KIAA1217: variants seen among roughly 807,000 people sequenced by gnomAD.
KIAA1217 encodes sickle tail protein homolog.
Under a neutral mutation model 163.9 loss-of-function variants are expected in KIAA1217, and 88 were observed. That is an observed-to-expected ratio of 0.54 (90% CI 0.45 to 0.64). KIAA1217 has a LOEUF of 0.64. KIAA1217 is among the 30% of genes least tolerant of loss of function. The pLI is 0.00. For missense variants in KIAA1217, 2,372 were observed against 2,475.0 expected (o/e 0.96, Z 0.88); for synonymous variants, 903 against 923.1 (o/e 0.98, Z 0.39).
At chr10:23,908,944 G>A (rs985846079) in intron 1 of KIAA1217, among the ~76,000 whole-genome samples, 18 of 152,082 alleles carry the variant, frequency 1.2e-4, no homozygotes, top group Admixed American at 1.1e-3. Flanking sequence ...TTGCAAAAAT[G>A]TGGAAACAAC....
At chr10:24,177,611 T>G (rs542534667) in intron 2 of KIAA1217, among the ~76,000 whole-genome samples, 7 of 152,072 alleles carry the variant, frequency 4.6e-5, no homozygotes, top group African/African-American at 1.7e-4. Flanking sequence ...ATAAAGATAT[T>G]CTACTACTTT....
intron 2 of KIAA1217, among the ~76,000 whole-genome samples, chr10:24,315,553 C>T (rs3762084): frequency 0.03 from 4,492 of 152,218 alleles, 121 homozygotes; most frequent in East Asian, 0.1. Flanking sequence ...CCGGACCTCC[C>T]GTTGCTAGGT....
At chr10:24,391,317 GTTTCTTTC>G (rs200762098) in intron 3 of KIAA1217, among the ~76,000 whole-genome samples, 5 of 93,564 alleles carry the variant, frequency 5.3e-5, no homozygotes, top group Non-Finnish European at 7.8e-5. Context: ...AGGTTCTCCT[GTTTCTTTC>G]TTTCTTTCTT....
intron 1 of KIAA1217, among the ~76,000 whole-genome samples, chr10:23,920,604 A>G (rs1019967815): frequency 6.6e-6 from 1 of 152,064 alleles, no homozygotes; most frequent in Non-Finnish European, 1.5e-5. Flanking sequence ...TTGTCTCTCT[A>G]TTTATCTCTT....
chr10:23,959,449 G>A (rs1564566499), intron 1 of KIAA1217, among the ~76,000 whole-genome samples: 1 of 152,202 alleles, frequency 6.6e-6, no homozygotes, highest in Non-Finnish European at 1.5e-5. Context: ...CTTGAGCCCA[G>A]GAGTTCAAGG....
chr10:23,865,604 T>A (rs1346793452), intron 1 of KIAA1217, among the ~76,000 whole-genome samples: 1 of 152,172 alleles, frequency 6.6e-6, no homozygotes. Flanking sequence ...AAACTGCCTT[T>A]TTTTTTATAG....
intron 1 of KIAA1217, among the ~76,000 whole-genome samples, chr10:24,006,336 A>G (rs973530382): frequency 1.3e-5 from 2 of 152,152 alleles, no homozygotes; most frequent in African/African-American, 2.4e-5. Flanking sequence ...CTTTTTCCAT[A>G]CTTTTATCCA....
intron 2 of KIAA1217, among the ~76,000 whole-genome samples, chr10:24,180,220 G>C (rs1035232302): frequency 6.6e-6 from 1 of 151,344 alleles, no homozygotes; most frequent in African/African-American, 2.4e-5. Context: ...TTAACTTTGA[G>C]GACCTCTACA....
intron 3 of KIAA1217, among the ~76,000 whole-genome samples, chr10:24,400,289 A>ATC (rs1382490551): frequency 4.6e-5 from 7 of 152,214 alleles, no homozygotes; most frequent in African/African-American, 1.4e-4. Context: ...CCCACAGTAT[A>ATC]TCAGTCAGGA....
chr10:24,364,239 A>G (rs1048413461), intron 2 of KIAA1217, among the ~76,000 whole-genome samples: 1 of 152,114 alleles, frequency 6.6e-6, no homozygotes, highest in East Asian at 1.9e-4. Context: ...TCAGCCTCCC[A>G]AAGTGCTGGG....
intron 1 of KIAA1217, among the ~76,000 whole-genome samples, chr10:23,910,417 A>G (rs2131267755): frequency 6.6e-6 from 1 of 152,264 alleles, no homozygotes; most frequent in South Asian, 2.1e-4. Context: ...GAAGAGAAGG[A>G]CAGGAGGACT....
intron 3 of KIAA1217, among the ~76,000 whole-genome samples, chr10:24,397,108 CTT>C (rs34660362): frequency 9.6e-5 from 11 of 114,700 alleles, no homozygotes; most frequent in African/African-American, 9.9e-5. Flanking sequence ...GTAAGAAACT[CTT>C]TTTTTTTTTT....
chr10:23,894,143 A>C (rs1311756007), intron 1 of KIAA1217, among the ~76,000 whole-genome samples: 55 of 135,882 alleles, frequency 4.0e-4, no homozygotes, highest in Admixed American at 6.0e-4. Flanking sequence ...TGGCCAGGGC[A>C]ATTAGGCAGG....
At chr10:23,847,483 A>T (rs1839096895) in intron 1 of KIAA1217, among the ~76,000 whole-genome samples, 2 of 152,008 alleles carry the variant, frequency 1.3e-5, no homozygotes, top group South Asian at 4.1e-4. Flanking sequence ...GAATTTATCC[A>T]TTTCTTCTAG....
chr10:24,429,321 A>T (rs1027187332), intron 3 of KIAA1217, among the ~76,000 whole-genome samples: 2 of 152,170 alleles, frequency 1.3e-5, no homozygotes, highest in African/African-American at 4.8e-5. Flanking sequence ...AGTATTTCAT[A>T]AACTTTTACA....
At chr10:24,176,009 G>A (rs1008421168) in intron 2 of KIAA1217, among the ~76,000 whole-genome samples, 1 of 152,196 alleles carries the variant, frequency 6.6e-6, no homozygotes, top group African/African-American at 2.4e-5. Context: ...ACCCAAGCAG[G>A]TTGCTGCTGC....
At chr10:24,538,533 A>G (rs2074378190) in intron 17 of KIAA1217, among the ~76,000 whole-genome samples, 1 of 113,428 alleles carries the variant, frequency 8.8e-6, no homozygotes. Context: ...ATGGAGGGAG[A>G]GAGGGTAGGA....
intron 1 of KIAA1217, among the ~76,000 whole-genome samples, chr10:23,747,599 A>T (rs763487082): frequency 2.0e-5 from 3 of 152,232 alleles, no homozygotes; most frequent in Non-Finnish European, 2.9e-5. Flanking sequence ...TTTCCTTATT[A>T]GGAAGGGATT....
chr10:23,963,563 C>T (rs920333100), intron 1 of KIAA1217, among the ~76,000 whole-genome samples: 14 of 152,102 alleles, frequency 9.2e-5, no homozygotes, highest in African/African-American at 2.9e-4. Context: ...GTGAACAGTG[C>T]CGCAATAAAC....
Sources: gnomAD v4.1 joint callset for allele counts (sites outside exome capture counted in the v4.1 genomes callset) on GRCh38, gnomAD v4.1.1 for gene constraint, MANE v1.5 for transcripts, NCBI Gene and HGNC (gene_info 2026-07-23, HGNC 2026-07-21) for gene names.